GRIP1: variants seen among roughly 807,000 people sequenced by gnomAD.
The protein encoded by GRIP1 is glutamate receptor interacting protein 1, also known as glutamate receptor-interacting protein 1.
A neutral mutation model predicts 129.9 loss-of-function variants in GRIP1; 45 were observed. The ratio of observed to expected loss-of-function variants is 0.35; its 90% CI spans 0.27 to 0.44. The LOEUF is 0.44. GRIP1 is among the 20% of genes least tolerant of loss of function. The probability of loss-of-function intolerance (pLI) is 1.00; values close to 1 mark genes in which losing one functional copy is unlikely to be tolerated. For synonymous variants in GRIP1, 530 were observed against 520.8 expected, an observed-to-expected ratio of 1.02 and a Z score of -0.24; for missense variants, 1,196 against 1,396.8, an observed-to-expected ratio of 0.86 and a Z score of 2.29.
intron 2 of GRIP1, among the ~76,000 whole-genome samples, chr12:66,553,040 A>G (rs76373318): frequency 2.3e-3 from 350 of 152,268 alleles, no homozygotes; most frequent in African/African-American, 7.7e-3. Flanking sequence ...GGCTTTCTCT[A>G]TCCTAACAGG....
intron 1 of GRIP1, among the ~76,000 whole-genome samples, chr12:66,858,481 T>C (rs1397763085): frequency 6.6e-6 from 1 of 151,332 alleles, no homozygotes; most frequent in African/African-American, 2.4e-5. Context: ...ATTTTTTGAC[T>C]TTTTTTTGCA....
intron 1 of GRIP1, among the ~76,000 whole-genome samples, chr12:66,814,766 G>A (rs533139263): frequency 6.6e-6 from 1 of 152,192 alleles, no homozygotes; most frequent in East Asian, 1.9e-4. Flanking sequence ...GAGAGAGAGA[G>A]AGGTTTAATT....
At chr12:66,723,292 CTTTCTTTCTTTCTTTTTTTTTT>C (rs2036140522) in intron 1 of GRIP1, among the ~76,000 whole-genome samples, 5 of 28,284 alleles carry the variant, frequency 1.8e-4, no homozygotes, top group African/African-American at 8.9e-4. Context: ...TCCTTTCTTT[CTTTCTTTCTTTCTTTTTTTTTT>C]TTTTTTTTTT....
chr12:66,835,008 T>C (rs568193137), intron 1 of GRIP1, among the ~76,000 whole-genome samples: 70 of 151,714 alleles, frequency 4.6e-4, no homozygotes, highest in Non-Finnish European at 1.3e-4. Context: ...ATTTCTGTTC[T>C]GAGAAAGGCA....
chr12:66,474,089 A>C (rs1291784800), intron 7 of GRIP1, among the ~76,000 whole-genome samples: 2 of 152,088 alleles, frequency 1.3e-5, no homozygotes, highest in Non-Finnish European at 2.9e-5. Context: ...CCTTGAAAAA[A>C]GGTTAGATGA....
chr12:66,617,429 C>T (rs1032130586), intron 1 of GRIP1, among the ~76,000 whole-genome samples: 23 of 151,880 alleles, frequency 1.5e-4, no homozygotes, highest in African/African-American at 5.3e-4. Context: ...CTAATGATAT[C>T]AGCGAACTTG....
chr12:67,015,274 G>T (rs1291433008), intron 1 of GRIP1, among the ~76,000 whole-genome samples: 4 of 152,188 alleles, frequency 2.6e-5, no homozygotes, highest in Admixed American at 2.6e-4. Flanking sequence ...CAAGGGACTT[G>T]AGAAATTGCA....
intron 23 of GRIP1, among the ~76,000 whole-genome samples, chr12:66,354,461 T>C (rs1007244069): frequency 2.0e-5 from 3 of 152,144 alleles, no homozygotes; most frequent in Non-Finnish European, 4.4e-5. Flanking sequence ...CACACATGAA[T>C]ATGTAGCAGT....
At chr12:66,637,314 A>C (rs1428586064) in intron 1 of GRIP1, among the ~76,000 whole-genome samples, 1 of 152,102 alleles carries the variant, frequency 6.6e-6, no homozygotes, top group Non-Finnish European at 1.5e-5. Context: ...TGAGGGATAT[A>C]GAGGGGCTTA....
intron 7 of GRIP1, among the ~76,000 whole-genome samples, chr12:66,501,279 C>T (rs2060384614): frequency 6.6e-6 from 1 of 152,152 alleles, no homozygotes; most frequent in African/African-American, 2.4e-5. Context: ...AATTTTATTA[C>T]ATACCAAGTA....
chr12:66,410,970 C>T (rs1024584986), intron 15 of GRIP1, among the ~76,000 whole-genome samples: 4 of 152,150 alleles, frequency 2.6e-5, no homozygotes, highest in African/African-American at 9.7e-5. Flanking sequence ...CACTCTAAGC[C>T]AGGGTTTTAT....
intron 1 of GRIP1, among the ~76,000 whole-genome samples, chr12:66,688,955 T>A (rs1592745558): frequency 6.6e-6 from 1 of 152,250 alleles, no homozygotes; most frequent in East Asian, 1.9e-4. Context: ...GGCACCTTCT[T>A]AACATCCAGG....
chr12:66,989,774 T>A (rs1334124838), intron 1 of GRIP1, among the ~76,000 whole-genome samples: 1 of 152,226 alleles, frequency 6.6e-6, no homozygotes, highest in African/African-American at 2.4e-5. Context: ...ATGGAATCCC[T>A]GGCTCCAACA....
intron 1 of GRIP1, among the ~76,000 whole-genome samples, chr12:66,776,883 C>T (rs1039020587): frequency 2.0e-5 from 3 of 152,110 alleles, no homozygotes; most frequent in South Asian, 2.1e-4. Flanking sequence ...GGCAACTTGG[C>T]ATTATCTAGA....
intron 1 of GRIP1, among the ~76,000 whole-genome samples, chr12:66,815,670 G>A (rs969225767): frequency 6.6e-6 from 1 of 151,938 alleles, no homozygotes. Flanking sequence ...AGGCTAAAGT[G>A]GGAGGATTGC....
intron 2 of GRIP1, chr12:66,564,180 GGTTT>G (rs1464331953): frequency 1.3e-5 from 2 of 152,266 alleles, no homozygotes; most frequent in Non-Finnish European, 2.9e-5. Context: ...ACAACGTGCA[GGTTT>G]GTTACATATG....
At chr12:66,757,497 C>A (rs1193840466) in intron 1 of GRIP1, among the ~76,000 whole-genome samples, 2 of 152,168 alleles carry the variant, frequency 1.3e-5, no homozygotes, top group African/African-American at 2.4e-5. Context: ...AAAGGTTCAT[C>A]AGCAACAAAG....
At chr12:66,838,557 T>A (rs939045220) in intron 1 of GRIP1, among the ~76,000 whole-genome samples, 1 of 152,060 alleles carries the variant, frequency 6.6e-6, no homozygotes, top group Non-Finnish European at 1.5e-5. Flanking sequence ...TGTGAACAAA[T>A]CAACTTAGAC....
At chr12:66,674,348 T>C (rs1363429141) in intron 1 of GRIP1, among the ~76,000 whole-genome samples, 1 of 152,224 alleles carries the variant, frequency 6.6e-6, no homozygotes, top group Non-Finnish European at 1.5e-5. Context: ...GGAACACTGA[T>C]ACTGAACTCT....
Sources: gnomAD v4.1 joint callset for allele counts (sites outside exome capture counted in the v4.1 genomes callset) on GRCh38, gnomAD v4.1.1 for gene constraint, MANE v1.5 for transcripts, NCBI Gene and HGNC (gene_info 2026-07-23, HGNC 2026-07-21) for gene names.